PPP2R5E: variants seen among roughly 807,000 people sequenced by gnomAD.
PPP2R5E encodes the protein serine/threonine-protein phosphatase 2A 56 kDa regulatory subunit epsilon isoform.
PPP2R5E carries 4 observed loss-of-function variants against 65.3 expected under a neutral mutation model. The ratio of observed to expected loss-of-function variants is 0.06; its 90% CI spans 0.03 to 0.14. The LOEUF is 0.14. Among genes scored for constraint, PPP2R5E ranks in the 10% least tolerant of loss-of-function variants. The pLI is 1.00. For missense variants in PPP2R5E, 274 were observed against 556.1 expected, an observed-to-expected ratio of 0.49 and a Z score of 5.10; for synonymous variants, 183 against 187.4, an observed-to-expected ratio of 0.98 and a Z score of 0.19.
intron 2 of PPP2R5E, among the ~76,000 whole-genome samples, chr14:63,470,711 T>C (rs985308547): frequency 7.0e-6 from 1 of 142,290 alleles, no homozygotes; most frequent in Non-Finnish European, 1.5e-5. Context: ...AAACAAGCCT[T>C]TATCAACAGA....
At chr14:63,389,889 G>A (rs535972100) in intron 10 of PPP2R5E, among the ~76,000 whole-genome samples, 158 bp from the exon 11 acceptor site, 17 of 152,158 alleles carry the variant, frequency 1.1e-4, no homozygotes, top group Non-Finnish European at 1.8e-4. Flanking sequence ...GAAGATGTTC[G>A]TTCCACAAAG....
At chr14:63,422,198 G>A in intron 3 of PPP2R5E, 104 bp from the exon 4 acceptor site, 1 of 878,290 alleles carries the variant, frequency 1.1e-6, no homozygotes, top group Non-Finnish European at 1.8e-6. Flanking sequence ...CAATGCACAA[G>A]GAACATCACC....
At chr14:63,488,739 C>G (rs1891131698) in intron 2 of PPP2R5E, among the ~76,000 whole-genome samples, 1 of 151,878 alleles carries the variant, frequency 6.6e-6, no homozygotes, top group African/African-American at 2.4e-5. Context: ...GTCCCAGCTA[C>G]TCGGAAGGCT....
intron 2 of PPP2R5E, among the ~76,000 whole-genome samples, chr14:63,502,846 G>A (rs965692186): frequency 1.3e-5 from 2 of 152,134 alleles, no homozygotes; most frequent in Non-Finnish European, 2.9e-5. Context: ...TCAATAACTA[G>A]GCCGGGTGCA....
chr14:63,421,487 C>A (rs1268453016), intron 4 of PPP2R5E, among the ~76,000 whole-genome samples: 1 of 152,168 alleles, frequency 6.6e-6, no homozygotes, highest in African/African-American at 2.4e-5. Flanking sequence ...GGCCTTTACC[C>A]AAGCTTTCTC....
chr14:63,443,107 A>G (rs1888315284), intron 3 of PPP2R5E, among the ~76,000 whole-genome samples: 1 of 152,166 alleles, frequency 6.6e-6, no homozygotes. Flanking sequence ...AAATCAAAGA[A>G]TGTATAAAAA....
chr14:63,464,512 G>T (rs1889676300), intron 2 of PPP2R5E, among the ~76,000 whole-genome samples: 1 of 152,180 alleles, frequency 6.6e-6, no homozygotes, highest in South Asian at 2.1e-4. Flanking sequence ...CAGCAAAGAA[G>T]TGAATGTGGC....
intron 7 of PPP2R5E, among the ~76,000 whole-genome samples, chr14:63,394,323 G>T (rs1462907436): frequency 6.6e-6 from 1 of 152,072 alleles, no homozygotes; most frequent in Non-Finnish European, 1.5e-5. Context: ...AACTGCAAAT[G>T]ATCTGCCCAC....
intron 2 of PPP2R5E, among the ~76,000 whole-genome samples, chr14:63,528,076 A>C (rs115999582): frequency 0.013 from 1,930 of 152,262 alleles, 42 homozygotes; most frequent in African/African-American, 0.044. Context: ...TTTTCAAAAA[A>C]AAAACCTTCA....
intron 3 of PPP2R5E, among the ~76,000 whole-genome samples, chr14:63,450,400 T>C (rs1246667574): frequency 6.6e-6 from 1 of 152,184 alleles, no homozygotes; most frequent in Non-Finnish European, 1.5e-5. Flanking sequence ...CAGTGTATTT[T>C]AAAACACATA....
chr14:63,511,535 C>T (rs1378612982), intron 2 of PPP2R5E, among the ~76,000 whole-genome samples: 1 of 152,168 alleles, frequency 6.6e-6, no homozygotes, highest in East Asian at 1.9e-4. Context: ...TTTTAAGCCA[C>T]CAAGTTTTGG....
At chr14:63,471,887 T>C (rs1890153673) in intron 2 of PPP2R5E, among the ~76,000 whole-genome samples, 1 of 152,230 alleles carries the variant, frequency 6.6e-6, no homozygotes, top group African/African-American at 2.4e-5. Context: ...AACAGACTCT[T>C]TAACATAGAT....
intron 2 of PPP2R5E, among the ~76,000 whole-genome samples, chr14:63,508,501 A>C (rs889131476): frequency 1.3e-5 from 2 of 152,194 alleles, no homozygotes; most frequent in Admixed American, 6.5e-5. Flanking sequence ...CCTTTTCCAT[A>C]TATCACTGCA....
intron 5 of PPP2R5E, among the ~76,000 whole-genome samples, chr14:63,404,355 A>G (rs1336639967): frequency 6.6e-6 from 1 of 152,174 alleles, no homozygotes; most frequent in Non-Finnish European, 1.5e-5. Flanking sequence ...TTTTCATCCA[A>G]AGTGCCACAG....
At chr14:63,483,878 T>A (rs1346869841) in intron 2 of PPP2R5E, among the ~76,000 whole-genome samples, 1 of 151,454 alleles carries the variant, frequency 6.6e-6, no homozygotes, top group Non-Finnish European at 1.5e-5. Context: ...AGGTCAGGAG[T>A]TCGACACCAG....
At chr14:63,533,505 G>A (rs1893529349) in intron 2 of PPP2R5E, among the ~76,000 whole-genome samples, 1 of 152,286 alleles carries the variant, frequency 6.6e-6, no homozygotes, top group East Asian at 1.9e-4. Flanking sequence ...AGGCTGTGGT[G>A]AGCCGAGATC....
intron 3 of PPP2R5E, among the ~76,000 whole-genome samples, chr14:63,430,604 TTTAAA>T (rs1350824671): frequency 6.6e-6 from 1 of 152,176 alleles, no homozygotes; most frequent in Non-Finnish European, 1.5e-5. Flanking sequence ...TGTCAGCTCC[TTTAAA>T]TTAATTATAG....
At chr14:63,466,273 CAAA>C (rs550383242) in intron 2 of PPP2R5E, among the ~76,000 whole-genome samples, 4,234 of 118,288 alleles carry the variant, frequency 0.036, 189 homozygotes, top group African/African-American at 0.12. Flanking sequence ...TTTAAAAATA[CAAA>C]AAAAAAAAAA....
At chr14:63,529,193 C>T (rs1364222440) in intron 2 of PPP2R5E, among the ~76,000 whole-genome samples, 1 of 152,026 alleles carries the variant, frequency 6.6e-6, no homozygotes, top group African/African-American at 2.4e-5. Context: ...AACACCTGGC[C>T]TCAGGAGATC....
Sources: allele counts gnomAD v4.1 joint callset (sites outside exome capture counted in the v4.1 genomes callset), GRCh38; gene constraint gnomAD v4.1.1; transcripts MANE v1.5; gene names NCBI Gene and HGNC (gene_info 2026-07-23, HGNC 2026-07-21).